Variants in IFT81 observed in about 807,000 individuals in gnomAD.
IFT81 encodes the protein intraflagellar transport 81.
A neutral mutation model predicts 102.6 loss-of-function variants in IFT81; 72 were observed. That is an observed-to-expected ratio of 0.70 (90% confidence interval 0.58 to 0.85). IFT81 has a LOEUF of 0.85. Ranked by LOEUF, IFT81 falls within the 40% of genes least tolerant of loss-of-function variation. The pLI, the probability that IFT81 is intolerant of heterozygous loss-of-function variation, is 0.00. For synonymous variants in IFT81, 237 were observed against 242.7 expected, an observed-to-expected ratio of 0.98 and a Z score of 0.22; for missense variants, 723 against 787.3, an observed-to-expected ratio of 0.92 and a Z score of 0.98.
rs185800373 is a variant in IFT81 at position 110,203,394 on chromosome 12, T to G, written c.1558-470T>G. 2.3e-4 allele frequency: 36 copies of G among 159,264 alleles called. No individual in the cohort carries two copies. The South Asian group carries it at 3.4e-3, about 15-fold the overall frequency. 9.9% of individuals were successfully genotyped at this position (159,264 alleles called of 1,614,324 possible). ...GTGTTCCTTTTTTTTAAATACTGTC[T>G]TCCCCTTGTTCATCTTCCACCTAAC... On this transcript the variant is annotated intron_variant, in intron 14 of 18. Transcript: ENST00000242591.
intron 9 of IFT81, among the ~76,000 whole-genome samples, chr12:110,146,075 G>A (rs540887607): frequency 3.9e-5 from 6 of 152,250 alleles, no homozygotes; most frequent in Non-Finnish European, 5.9e-5. Flanking sequence ...GCCTCCCAAA[G>A]TGCTTCAATT....
At chr12:110,214,111 A>T (rs1032874594) in intron 18 of IFT81, among the ~76,000 whole-genome samples, 41 of 152,172 alleles carry the variant, frequency 2.7e-4, no homozygotes, top group African/African-American at 8.0e-4. Flanking sequence ...TGTGTACCTT[A>T]TTTCACTTAT....
chr12:110,137,557 A>C (rs1478614380), intron 8 of IFT81, among the ~76,000 whole-genome samples: 1 of 152,064 alleles, frequency 6.6e-6, no homozygotes, highest in East Asian at 1.9e-4. Context: ...AACATGGTGA[A>C]ACCCTGTTTC....
chr12:110,128,817 T>G (rs1296080027), intron 3 of IFT81, 133 bp from the exon 4 acceptor site: 1 of 569,848 alleles, frequency 1.8e-6, no homozygotes, highest in African/African-American at 2.0e-5. Flanking sequence ...AAAAGATTCC[T>G]TGGGTTTATC....
rs143830010 is a variant in IFT81, at chr12:110,170,820, A to C, written c.1188+7755A>C. Among the ~76,000 whole-genome samples, 22 of 152,344 alleles carry C rather than the reference A, an allele frequency of 1.4e-4. No homozygotes were observed. The East Asian group carries it at 2.9e-3, about 20-fold the overall frequency. The stretch of plus-strand genomic sequence containing the variant: ...GCTACTTTTAAAATATGCTTGGTCA[A>C]ATAATATTTATAAGCAGCTTTAGAA... On this transcript the variant is annotated intron_variant, in intron 11 of 18. Transcript: ENST00000242591.
intron 12 of IFT81, among the ~76,000 whole-genome samples, chr12:110,190,480 G>A (rs1897743248): frequency 6.6e-6 from 1 of 151,838 alleles, no homozygotes; most frequent in Non-Finnish European, 1.5e-5. Flanking sequence ...ATTCCCACTA[G>A]TAGTAAGCTC....
At chr12:110,143,099 G>A (rs962441327) in intron 8 of IFT81, among the ~76,000 whole-genome samples, 19 of 152,102 alleles carry the variant, frequency 1.2e-4, no homozygotes, top group Middle Eastern at 3.4e-3. Flanking sequence ...TTATTTTTGC[G>A]TATTGCGGGA....
chr12:110,193,532 A>C (rs1897883583), intron 14 of IFT81, among the ~76,000 whole-genome samples: 1 of 152,240 alleles, frequency 6.6e-6, no homozygotes, highest in Non-Finnish European at 1.5e-5. Context: ...AATTGTCAGA[A>C]GGTAAATGCC....
intron 10 of IFT81, among the ~76,000 whole-genome samples, chr12:110,148,821 C>A (rs1160410545): frequency 2.0e-5 from 3 of 152,142 alleles, no homozygotes; most frequent in Non-Finnish European, 2.9e-5. Flanking sequence ...ATTTGGTTAT[C>A]CTGAGTTATA....
chr12:110,142,751 G>A (rs1894973818), intron 8 of IFT81, among the ~76,000 whole-genome samples: 1 of 151,800 alleles, frequency 6.6e-6, no homozygotes, highest in African/African-American at 2.4e-5. Flanking sequence ...AAATTACCTA[G>A]GCGTGGTGAT....
At position 110,205,593 on chromosome 12, in the gene IFT81, A is replaced by G. The variant is rs1868517084; in HGVS notation, c.1717-2A>G. Reference sequence around the variant, plus strand: ...CCCTAAAACTGAAGTCTTTCTATTTAGAACCTAGAAGTTCAACTTCGTCGT... The same window carrying G: ...CCCTAAAACTGAAGTCTTTCTATTTGGAACCTAGAAGTTCAACTTCGTCGT... On this transcript the variant is annotated splice_acceptor_variant, in intron 16 of 18. Coordinates refer to ENST00000242591, the MANE Select transcript of IFT81 (RefSeq NM_014055.4). LOFTEE classifies it high-confidence loss of function. 2 of 1,598,144 alleles carry G rather than the reference A, an allele frequency of 1.3e-6. No homozygotes were observed. Among genetic ancestry groups the G allele is most frequent in the Middle Eastern group, 3.3e-4 (2 of 5,986 alleles).
intron 3 of IFT81, among the ~76,000 whole-genome samples, 166 bp downstream of exon 3, chr12:110,128,315 A>G (rs1438329979): frequency 6.6e-6 from 1 of 151,360 alleles, no homozygotes; most frequent in Non-Finnish European, 1.5e-5. Context: ...ACAAACTCAG[A>G]AGTCTTAAGA....
At chr12:110,188,928 CAAA>C (rs1286295336) in intron 12 of IFT81, among the ~76,000 whole-genome samples, 2 of 132,682 alleles carry the variant, frequency 1.5e-5, no homozygotes, top group Non-Finnish European at 3.3e-5. Context: ...GACTCCGTCT[CAAA>C]AAAAAAAAAA....
At chr12:110,197,205 T>C (rs1045912619) in intron 14 of IFT81, among the ~76,000 whole-genome samples, 3 of 151,606 alleles carry the variant, frequency 2.0e-5, no homozygotes, top group African/African-American at 4.8e-5. Context: ...TCTAGGTAGA[T>C]AGATAGATAG....
chr12:110,130,844 T>C (rs1894122340), intron 4 of IFT81, among the ~76,000 whole-genome samples: 1 of 151,994 alleles, frequency 6.6e-6, no homozygotes, highest in Non-Finnish European at 1.5e-5. Context: ...TTACAATATA[T>C]AATGATTTAC....
At chr12:110,202,940 G>A (rs1202383492) in intron 14 of IFT81, among the ~76,000 whole-genome samples, 3 of 152,048 alleles carry the variant, frequency 2.0e-5, no homozygotes, top group African/African-American at 2.4e-5. Context: ...CCCTGCCTAG[G>A]TCTTCAGCCT....
intron 8 of IFT81, 134 bp downstream of exon 8, chr12:110,136,994 C>A: frequency 1.8e-6 from 1 of 543,718 alleles, no homozygotes; most frequent in Non-Finnish European, 3.2e-6. Flanking sequence ...CATTTCCTAG[C>A]TGGAGAAGGA....
intron 10 of IFT81, among the ~76,000 whole-genome samples, chr12:110,159,276 C>A (rs1896012723): frequency 6.6e-6 from 1 of 152,044 alleles, no homozygotes; most frequent in Non-Finnish European, 1.5e-5. Flanking sequence ...CTAACCTGGG[C>A]AACATGGCAA....
chr12:110,182,985 A>G (rs1377568881), intron 12 of IFT81, among the ~76,000 whole-genome samples: 2 of 152,096 alleles, frequency 1.3e-5, no homozygotes, highest in African/African-American at 4.8e-5. Flanking sequence ...TAAAGGTAGA[A>G]CTCATTTTCA....
Sources: gnomAD v4.1 joint callset for allele counts (sites outside exome capture counted in the v4.1 genomes callset) on GRCh38, gnomAD v4.1.1 for gene constraint, MANE v1.5 for transcripts, NCBI Gene and HGNC (gene_info 2026-07-23, HGNC 2026-07-21) for gene names.